FAT1: variants seen among roughly 807,000 people sequenced by gnomAD.
FAT1 encodes protocadherin Fat 1.
A neutral mutation model predicts 329.8 loss-of-function variants in FAT1; 171 were observed. The ratio of observed to expected loss-of-function variants is 0.52; its 90% CI spans 0.46 to 0.59. The LOEUF is 0.59. Among genes scored for constraint, FAT1 ranks in the 20% least tolerant of loss-of-function variants. FAT1 has a pLI of 0.00. For missense variants in FAT1, 5,672 were observed against 5,774.4 expected, an observed-to-expected ratio of 0.98 and a Z score of 0.57; for synonymous variants, 2,233 against 2,228.6, an observed-to-expected ratio of 1.00 and a Z score of -0.06.
At chr4:186,713,990 A>T (rs1362244302) in intron 1 of FAT1, among the ~76,000 whole-genome samples, 1 of 152,180 alleles carries the variant, frequency 6.6e-6, no homozygotes, top group Non-Finnish European at 1.5e-5. Flanking sequence ...TCCAACCTGA[A>T]TCTTTTTTTT....
At position 186,595,786 on chromosome 4, in the gene FAT1, A is replaced by G. The variant is rs1355731665; in HGVS notation, c.13041T>C (p.Pro4347=). Residue 4347 remains proline (P), a synonymous_variant, in exon 26 of 27, where the codon CCT becomes CCC. Coordinates refer to ENST00000441802, the MANE Select transcript of FAT1 (RefSeq NM_005245.4). ...ATGGCTGGGAAGGCTTTTCCTCTAG[A>G]GGCTTCTTGGAAAGACAGGGATCAA... ...VDLDPCLSKK[P]LEEKPSQPYS... is the part of the protein sequence containing the mutation. The G allele has an allele frequency of 6.2e-7, 1 of 1,613,976 alleles. No individual in the cohort carries two copies. Among genetic ancestry groups the G allele is most frequent in the South Asian group, 1.1e-5 (1 of 91,082 alleles).
intron 3 of FAT1, among the ~76,000 whole-genome samples, chr4:186,644,932 G>A (rs1229452947): frequency 6.6e-6 from 1 of 152,182 alleles, no homozygotes; most frequent in East Asian, 1.9e-4. Flanking sequence ...AAGAAACCAG[G>A]ATGAAGGCTA....
chr4:186,589,270 T>G, intron 26 of FAT1, 50 bp from the exon 27 acceptor site: 10 of 1,537,716 alleles, frequency 6.5e-6, no homozygotes, highest in Non-Finnish European at 7.9e-6. Flanking sequence ...TAAGCTTTTG[T>G]GCCATGGAAA....
intron 11 of FAT1, among the ~76,000 whole-genome samples, chr4:186,616,623 G>A (rs189806283): frequency 3.3e-5 from 5 of 152,256 alleles, no homozygotes; most frequent in Admixed American, 2.0e-4. Context: ...CTTCTCCAGC[G>A]TGCAGAAGAG....
At chr4:186,605,272 GAAAGAGAAGAGGTTGACAAGAGGA>G (rs1739056409) in intron 17 of FAT1, among the ~76,000 whole-genome samples, 1 of 141,942 alleles carries the variant, frequency 7.0e-6, no homozygotes, top group Admixed American at 7.1e-5. Context: ...GTGGGGAGGA[GAAAGAGAAGAGGTTGACAAGAGGA>G]GGAAAAGTGA....
At chr4:186,627,941 C>A (rs1347674629) in intron 9 of FAT1, among the ~76,000 whole-genome samples, 7 of 151,782 alleles carry the variant, frequency 4.6e-5, no homozygotes, top group Non-Finnish European at 1.0e-4. Context: ...TATTGTGAAT[C>A]CCCCAGAACT....
intron 2 of FAT1, among the ~76,000 whole-genome samples, chr4:186,702,435 G>A (rs1579475095): frequency 6.6e-6 from 1 of 152,110 alleles, no homozygotes; most frequent in East Asian, 1.9e-4. Context: ...GGGCTGCTTT[G>A]TATACTAACA....
Position 186,706,644 on chromosome 4 carries a change from C to T in FAT1, c.3184G>A (p.Asp1062Asn), listed in dbSNP as rs2126682251. 1 of 1,613,972 alleles carries T rather than the reference C, an allele frequency of 6.2e-7. No homozygotes were observed. The highest frequency in any genetic ancestry group is 2.2e-5 in the East Asian group (1 of 44,886). Residue 1062 changes from aspartate to asparagine, a missense_variant, in exon 2 of 27, where the codon GAC becomes AAC. By Grantham distance (23) the Asp-to-Asn change is conservative. This residue lies in a region of FAT1 where 3,966 missense variants were observed against 3,915.2 expected (regional missense o/e 1.01). Coordinates refer to ENST00000441802, the MANE Select transcript of FAT1 (RefSeq NM_005245.4). ...LVMTVSAHDEDARRDGEIRYS... is the reference protein window; with the variant it reads ...LVMTVSAHDENARRDGEIRYS... ...CGGATCTCCCCATCTCTTCTGGCGT[C>T]CTCATCATGAGCCGACACCGTCATT...
Position 186,623,425 on chromosome 4 carries a change from G to A in FAT1, c.4811-1650C>T, listed in dbSNP as rs533336484. 1.7e-4 allele frequency among the ~76,000 whole-genome samples: 26 copies of A among 152,206 alleles called. No individual in the cohort carries two copies. In the East Asian group the frequency reaches 3.7e-3, roughly 21 times the overall value. ...TGCCTGGCCTGACACAGGAGACTGG[G>A]GCAGCCATGGTGACTCTCTTCATCC... On this transcript the variant is annotated intron_variant, in intron 9 of 26. Coordinates refer to ENST00000441802, the MANE Select transcript of FAT1 (RefSeq NM_005245.4).
intron 5 of FAT1, 22 bp from the exon 6 acceptor site, chr4:186,636,257 G>T: frequency 6.2e-7 from 1 of 1,605,730 alleles, no homozygotes; most frequent in East Asian, 2.2e-5. Context: ...GGGCAGAGGG[G>T]ATTAAAAACA....
rs1009204916 is a variant in FAT1 at position 186,675,263 on chromosome 4, C to T, written c.3266-11650G>A. 4.5e-4 allele frequency among the ~76,000 whole-genome samples: 68 copies of T among 150,866 alleles called. 1 individual carries two copies. Among genetic ancestry groups the T allele is most frequent in the African/African-American group, 1.6e-3 (65 of 41,040 alleles). ...AAGTTTTGTGGCAGATCAACAGAAA[C>T]GTTTTAAGGAAAAACCCTCTTTAGG... On this transcript the variant is annotated intron_variant, in intron 2 of 26. Coordinates refer to ENST00000441802, the MANE Select transcript of FAT1 (RefSeq NM_005245.4).
intron 13 of FAT1, among the ~76,000 whole-genome samples, chr4:186,612,664 A>C (rs1221983714): frequency 6.6e-6 from 1 of 152,240 alleles, no homozygotes; most frequent in Non-Finnish European, 1.5e-5. Flanking sequence ...ATGACTGAAG[A>C]AGTTATTCTC....
At chr4:186,622,808 A>T (rs1408887823) in intron 9 of FAT1, among the ~76,000 whole-genome samples, 1 of 152,142 alleles carries the variant, frequency 6.6e-6, no homozygotes, top group Admixed American at 6.5e-5. Context: ...AAGCACCCAG[A>T]ATTCACCATC....
rs2126700183 is a variant in FAT1 at position 186,708,930 on chromosome 4, G to A, written c.898C>T (p.Leu300Phe). The change falls in exon 2 of 27, where the codon CTC becomes TTC. Residue 300 changes from leucine (L) to phenylalanine (F), a missense_variant. Physicochemically the swap from Leu to Phe is conservative, Grantham distance 22 (BLOSUM62 0). Transcript: ENST00000441802. ...ASLSIVAGDL[L>F]QQFRTVRSFP... Reference sequence around the variant, plus strand: ...GACCTCACTGTTCTAAACTGCTGGAGAAGGTCACCTGCCACGATGCTTAAA... The same window carrying A: ...GACCTCACTGTTCTAAACTGCTGGAAAAGGTCACCTGCCACGATGCTTAAA... 6.2e-7 allele frequency: 1 copy of A among 1,613,988 alleles called. No homozygotes were observed. The highest frequency in any genetic ancestry group is 8.5e-7 in the Non-Finnish European group (1 of 1,179,884).
chr4:186,701,274 T>C (rs905150636), intron 2 of FAT1, among the ~76,000 whole-genome samples: 1 of 152,054 alleles, frequency 6.6e-6, no homozygotes. Context: ...CACGCCCTGC[T>C]TGACTCAGAA....
chr4:186,634,296 AC>A (rs759705339), intron 6 of FAT1, among the ~76,000 whole-genome samples: 9 of 152,256 alleles, frequency 5.9e-5, no homozygotes, highest in Admixed American at 3.3e-4. Context: ...AGTCCTGGCT[AC>A]TATAAACTAT....
chr4:186,691,368 T>C (rs1743753878), intron 2 of FAT1, among the ~76,000 whole-genome samples: 1 of 152,186 alleles, frequency 6.6e-6, no homozygotes, highest in African/African-American at 2.4e-5. Context: ...ATATACTATA[T>C]CCAAGACTTA....
At chr4:186,644,116 G>A (rs79011285) in intron 3 of FAT1, among the ~76,000 whole-genome samples, 1,735 of 152,250 alleles carry the variant, frequency 0.011, 32 homozygotes, top group African/African-American at 0.039. Flanking sequence ...GTAGGATTTC[G>A]TTCTCTTGAG....
In FAT1 at chr4:186,611,250, T is replaced by G. The variant is rs535311750; in HGVS notation, c.9853+136A>C. 4.1e-4 allele frequency: 289 copies of G among 711,506 alleles called. 2 individuals carry two copies. The highest frequency in any genetic ancestry group is 5.9e-4 in the Non-Finnish European group (264 of 450,792). The allele number at this position is 711,506 out of a possible 1,614,324, so 44.1% of individuals were successfully genotyped here. A position where few individuals can be genotyped will look rare whatever the true frequency, so the allele number is the denominator to read the frequency against. On this transcript the variant is annotated intron_variant, in intron 14 of 26. Transcript: ENST00000441802. ...AACATTCAATCCCACTGTAAATAACTAAAAGAAAACTTGATTTGCCTTTTT... is the reference window on the plus strand; with the variant it reads ...AACATTCAATCCCACTGTAAATAACGAAAAGAAAACTTGATTTGCCTTTTT...
Sources: allele counts gnomAD v4.1 joint callset (sites outside exome capture counted in the v4.1 genomes callset), GRCh38; gene constraint gnomAD v4.1.1; regional missense constraint gnomAD v4.1.1; transcripts MANE v1.5; gene names NCBI Gene and HGNC (gene_info 2026-07-23, HGNC 2026-07-21).